Variants in COL1A1 observed in about 807,000 individuals in gnomAD.
COL1A1 encodes the protein collagen alpha-1(I) chain.
COL1A1 carries 21 observed loss-of-function variants against 195.7 expected under a neutral mutation model. The ratio of observed to expected loss-of-function variants is 0.11; its 90% CI spans 0.08 to 0.15. The LOEUF is 0.15. COL1A1 is among the 10% of genes least tolerant of loss of function. The probability of loss-of-function intolerance (pLI) is 1.00; values close to 1 mark genes in which losing one functional copy is unlikely to be tolerated. For synonymous variants in COL1A1, 749 were observed against 747.3 expected, an observed-to-expected ratio of 1.00 and a Z score of -0.04; for missense variants, 1,365 against 2,051.0, an observed-to-expected ratio of 0.67 and a Z score of 6.46.
At position 50,194,250 on chromosome 17, in the gene COL1A1, G is replaced by A; in HGVS notation, c.1615-67C>T. On this transcript the variant is annotated intron_variant, in intron 23 of 50. Transcript: ENST00000225964. The surrounding 1 kb of genome is among the most constrained non-coding windows in gnomAD (Gnocchi z 6.8). Reference sequence around the variant, plus strand: ...ATGATGGAGGTGGGGGAGGACTCCAGAGGGCAGACCCTTGGGCCTGATCCA... The same window carrying A: ...ATGATGGAGGTGGGGGAGGACTCCAAAGGGCAGACCCTTGGGCCTGATCCA... 1 of 1,591,910 alleles carries A rather than the reference G, an allele frequency of 6.3e-7. No homozygotes were observed. The highest frequency in any genetic ancestry group is 1.7e-5 in the Admixed American group (1 of 59,992).
At chr17:50,198,073 C>T (rs1186260181) in intron 7 of COL1A1, 71 bp from the exon 8 acceptor site, 1 of 1,602,322 alleles carries the variant, frequency 6.2e-7, no homozygotes, top group Non-Finnish European at 8.6e-7. Context: ...ACCAAGAGAT[C>T]TCTGAGCATC....
In COL1A1 at chr17:50,191,817, T is replaced by C. The variant is rs1362140190; in HGVS notation, c.2098A>G (p.Asn700Asp). The change falls in exon 31 of 51, where the codon AAC becomes GAC. Residue 700 changes from asparagine to aspartate, a missense_variant. Physicochemically the swap from Asn to Asp is conservative, Grantham distance 23. Transcript: ENST00000225964. Reference sequence around the variant, plus strand: ...GCACCATCGTTGCCGGGAGCACCGTTGGCCCCTCGGGGACCAGCAGGACCA... The same window carrying C: ...GCACCATCGTTGCCGGGAGCACCGTCGGCCCCTCGGGGACCAGCAGGACCA... ...PPGPAGPRGA[N>D]GAPGNDGAKG... 1.9e-6 allele frequency: 3 copies of C among 1,598,310 alleles called. No individual in the cohort carries two copies.
In COL1A1 at chr17:50,197,650, A is replaced by C. The variant is rs2144585483; in HGVS notation, c.696+82T>G. On this transcript the variant is annotated intron_variant, in intron 9 of 50. Transcript: ENST00000225964. ...CCTCCTTCCTCTGAGTATCGTTCCC[A>C]AATGTGGTGGAGTGGAAATTGCAGG... The C allele has an allele frequency of 4.3e-6, 5 of 1,162,360 alleles. No individual in the cohort carries two copies. The East Asian group carries it at 9.4e-5, about 22-fold the overall frequency. 72.0% of individuals were successfully genotyped at this position (1,162,360 alleles called of 1,614,324 possible).
rs776830248 is a variant in COL1A1 at position 50,191,806 on chromosome 17, G to A, written c.2109C>T (p.Pro703=). 1.8e-5 allele frequency: 29 copies of A among 1,591,918 alleles called. No homozygotes were observed. Among genetic ancestry groups the A allele is most frequent in the South Asian group, 5.7e-5 (5 of 87,984 alleles). ...PAGPRGANGA[P]GNDGAKGDAG... The stretch of plus-strand genomic sequence containing the variant: ...CCCTCACCTTAGCACCATCGTTGCC[G>A]GGAGCACCGTTGGCCCCTCGGGGAC... The change falls in exon 31 of 51, where the codon CCC becomes CCT. Residue 703 remains proline, a synonymous_variant. Transcript: ENST00000225964.
chr17:50,192,435 C>T, intron 29 of COL1A1, 40 bp downstream of exon 29: 1 of 1,567,256 alleles, frequency 6.4e-7, no homozygotes, highest in Non-Finnish European at 8.7e-7. Context: ...CTCTGGATTC[C>T]CTGCATCTCC....
chr17:50,188,889 T>C lies in COL1A1; in HGVS notation c.3045+14A>G, dbSNP rs1906809695. 1.9e-6 allele frequency: 3 copies of C among 1,579,308 alleles called. No homozygotes were observed. Among genetic ancestry groups the C allele is most frequent in the South Asian group, 1.1e-5 (1 of 90,402 alleles). Reference sequence around the variant, plus strand: ...ATGCTGAGGGTACTGGCATGGGGGCTGGGGACTGCTCACCTCACGTCCAGA... The same window carrying C: ...ATGCTGAGGGTACTGGCATGGGGGCCGGGGACTGCTCACCTCACGTCCAGA... On this transcript the variant is annotated intron_variant, in intron 41 of 50. Transcript: ENST00000225964. This position sits in a 1 kb window ranked among gnomAD's most constrained non-coding sequence, Gnocchi z 5.6.
rs755059540 is a variant in COL1A1, at chr17:50,194,113, G to A, written c.1668+17C>T. On this transcript the variant is annotated intron_variant, in intron 24 of 50. Coordinates refer to ENST00000225964, the MANE Select transcript of COL1A1 (RefSeq NM_000088.4). This position sits in a 1 kb window ranked among gnomAD's most constrained non-coding sequence, Gnocchi z 6.8. The stretch of plus-strand genomic sequence containing the variant: ...AGACAGGACAATGGCAGGGGGTTCA[G>A]GGGGAGTGATACTTACAGGGGGGCC... The A allele has an allele frequency of 1.1e-5, 18 of 1,612,788 alleles. No individual in the cohort carries two copies. Among genetic ancestry groups the A allele is most frequent in the East Asian group, 2.2e-5 (1 of 44,872 alleles).
rs1475275494 is a variant in COL1A1 at position 50,189,981 on chromosome 17, C to T, written c.2559+20G>A. ...TCCCAGCCCACCAGCCTCGTGGGCACAGAGGGCCAAGCCACTCACAATGGG... is the reference window on the plus strand; with the variant it reads ...TCCCAGCCCACCAGCCTCGTGGGCATAGAGGGCCAAGCCACTCACAATGGG... On this transcript the variant is annotated intron_variant, in intron 36 of 50. Transcript: ENST00000225964. This position sits in a 1 kb window ranked among gnomAD's most constrained non-coding sequence, Gnocchi z 5.5. 1 of 1,612,662 alleles carries T rather than the reference C, an allele frequency of 6.2e-7. No individual in the cohort carries two copies. The highest frequency in any genetic ancestry group is 8.5e-7 in the Non-Finnish European group (1 of 1,179,236).
chr17:50,190,583 G>A lies in COL1A1; in HGVS notation c.2357C>T (p.Pro786Leu), dbSNP rs756537765. The A allele has an allele frequency of 5.0e-6, 8 of 1,613,148 alleles. No individual in the cohort carries two copies. Among genetic ancestry groups the A allele is most frequent in the Non-Finnish European group, 6.8e-6 (8 of 1,179,510 alleles). The change falls in exon 34 of 51, where the codon CCC becomes CTC. Residue 786 changes from proline to leucine, a missense_variant. Pro to Leu is a moderately conservative substitution (Grantham distance 98). Around this residue, in one of 5 missense-constraint regions of COL1A1, gnomAD observed 671 missense variants for 1,099.9 expected, o/e 0.61. Coordinates refer to ENST00000225964, the MANE Select transcript of COL1A1 (RefSeq NM_000088.4). This position sits in a 1 kb window ranked among gnomAD's most constrained non-coding sequence, Gnocchi z 4.7. The part of the protein sequence containing the change: ...GAPGDKGESG[P>L]SGPAGPTGAR... ...TCCAGTGGGACCAGCAGGGCCGCTGGGACCACTTTCACCCTGAGAGCAAGG... is the reference window on the plus strand; with the variant it reads ...TCCAGTGGGACCAGCAGGGCCGCTGAGACCACTTTCACCCTGAGAGCAAGG...
intron 30 of COL1A1, 22 bp downstream of exon 30, chr17:50,191,958 G>A (rs971404072): frequency 6.2e-7 from 1 of 1,612,170 alleles, no homozygotes; most frequent in South Asian, 1.1e-5. Context: ...CTTGACGGAT[G>A]CAGCGAGAGA....
Position 50,188,035 on chromosome 17 carries a change from G to T in COL1A1, c.3262-52C>A, listed in dbSNP as rs1906710274. ...CAGGCGGAAGTTCCATTGGCATCGA[G>T]TGGGGCACTGTCTGCATCTGTAGAG... On this transcript the variant is annotated intron_variant, in intron 44 of 50. Transcript: ENST00000225964. The surrounding 1 kb of genome is among the most constrained non-coding windows in gnomAD (Gnocchi z 5.6). 2 of 1,613,512 alleles carry T rather than the reference G, an allele frequency of 1.2e-6. No individual in the cohort carries two copies. Among genetic ancestry groups the T allele is most frequent in the African/African-American group, 2.7e-5 (2 of 75,052 alleles).
chr17:50,187,363 C>T (rs1274727147), intron 46 of COL1A1, 121 bp downstream of exon 46: 13 of 1,016,574 alleles, frequency 1.3e-5, no homozygotes, highest in Non-Finnish European at 1.8e-5. Context: ...CCTCTCTTTG[C>T]CCACTCCCTG....
Position 50,192,522 on chromosome 17 carries a change from G to T in COL1A1, c.1936C>A (p.Pro646Thr), listed in dbSNP as rs1241546349. 6.2e-7 allele frequency: 1 copy of T among 1,614,068 alleles called. No homozygotes were observed. The highest frequency in any genetic ancestry group is 8.5e-7 in the Non-Finnish European group (1 of 1,179,970). ...PAGSPGFQGL[P>T]GPAGPPGEAG... ...TCACCTGGAGGACCAGCAGGACCAG[G>T]GAGACCCTGTAGGTGGGAAATGGGG... The change falls in exon 29 of 51, where the codon CCT becomes ACT. Residue 646 changes from proline (P) to threonine (T), a missense_variant. By Grantham distance (38) the Pro-to-Thr change is conservative. Transcript: ENST00000225964.
At position 50,196,141 on chromosome 17, in the gene COL1A1, C is replaced by T; in HGVS notation, c.1002+14G>A. The T allele has an allele frequency of 6.2e-7, 1 of 1,613,982 alleles. No individual in the cohort carries two copies. Among genetic ancestry groups the T allele is most frequent in the Non-Finnish European group, 8.5e-7 (1 of 1,179,878 alleles). On this transcript the variant is annotated intron_variant, in intron 15 of 50. Coordinates refer to ENST00000225964, the MANE Select transcript of COL1A1 (RefSeq NM_000088.4). ...CCCCACTCCCAGGCCCTGAGGCCTACAGGCCACACTCACAGGGGGCCCGGC... is the reference window on the plus strand; with the variant it reads ...CCCCACTCCCAGGCCCTGAGGCCTATAGGCCACACTCACAGGGGGCCCGGC...
rs1907526882 is a variant in COL1A1 at position 50,195,762 on chromosome 17, A to G, written c.1057-97T>C. The G allele has an allele frequency of 7.2e-7, 1 of 1,381,024 alleles. No homozygotes were observed. The highest frequency in any genetic ancestry group is 1.4e-5 in the African/African-American group (1 of 69,976). The allele number at this position is 1,381,024 out of a possible 1,614,324, so 85.5% of individuals were successfully genotyped here. On this transcript the variant is annotated intron_variant, in intron 16 of 50. Coordinates refer to ENST00000225964, the MANE Select transcript of COL1A1 (RefSeq NM_000088.4). This position sits in a 1 kb window ranked among gnomAD's most constrained non-coding sequence, Gnocchi z 4.3. Reference sequence around the variant, plus strand: ...GAAGGGGAGACAGGGACAGGAGAGCAATGATCAGGACTCTAAGATCAGAGA... The same window carrying G: ...GAAGGGGAGACAGGGACAGGAGAGCGATGATCAGGACTCTAAGATCAGAGA...
At position 50,201,484 on chromosome 17, in the gene COL1A1, C is replaced by T; in HGVS notation, c.30G>A (p.Leu10=). 6.2e-7 allele frequency: 1 copy of T among 1,612,532 alleles called. No homozygotes were observed. The highest frequency in any genetic ancestry group is 1.1e-5 in the South Asian group (1 of 91,010). Residue 10 remains leucine (L), a synonymous_variant, in exon 1 of 51, where the codon CTG becomes CTA. Coordinates refer to ENST00000225964, the MANE Select transcript of COL1A1 (RefSeq NM_000088.4). ...GGAGGGCGGTGGCCGCTAAGAGGAG[C>T]AGGAGCCGGAGGTCCACAAAGCTGA... is the stretch of plus-strand genomic sequence containing the variant. MFSFVDLRL[L]LLLAATALLT... is the part of the protein sequence containing the mutation.
chr17:50,197,908 T>C, intron 8 of COL1A1, 41 bp downstream of exon 8: 1 of 1,607,060 alleles, frequency 6.2e-7, no homozygotes, highest in Non-Finnish European at 8.5e-7. Flanking sequence ...AGAGTCTGTG[T>C]GTTTGTAGAA....
chr17:50,200,678 G>A (rs1312334940), intron 1 of COL1A1, among the ~76,000 whole-genome samples: 1 of 152,128 alleles, frequency 6.6e-6, no homozygotes, highest in African/African-American at 2.4e-5. Context: ...ACTAGGTGTC[G>A]GGCAACGCTA....
intron 25 of COL1A1, among the ~76,000 whole-genome samples, chr17:50,193,322 G>T (rs1419719228): frequency 6.6e-6 from 1 of 151,904 alleles, no homozygotes; most frequent in Non-Finnish European, 1.5e-5. Flanking sequence ...ATCTCCTTTT[G>T]GACCTCAAAG....
Sources: allele counts gnomAD v4.1 joint callset (sites outside exome capture counted in the v4.1 genomes callset), GRCh38; gene constraint gnomAD v4.1.1; regional missense constraint gnomAD v4.1.1; non-coding constraint Gnocchi (gnomAD v3.1); transcripts MANE v1.5; gene names NCBI Gene and HGNC (gene_info 2026-07-23, HGNC 2026-07-21).